Variants in KLHL1 observed in about 807,000 individuals in gnomAD.
KLHL1 encodes kelch-like protein 1.
In KLHL1, 47 loss-of-function variants were observed where a neutral mutation model predicts 77.7. The observed-to-expected ratio is 0.60, with a 90% confidence interval of 0.48 to 0.77. The LOEUF is 0.77. Ranked by LOEUF, KLHL1 falls within the 30% of genes least tolerant of loss-of-function variation. The pLI is 0.00. For synonymous variants in KLHL1, 360 were observed against 325.2 expected (o/e 1.11, Z -1.15); for missense variants, 925 against 910.8 (o/e 1.02, Z -0.20).
At chr13:70,077,902 C>G (rs1887302243) in intron 1 of KLHL1, among the ~76,000 whole-genome samples, 1 of 151,802 alleles carries the variant, frequency 6.6e-6, no homozygotes, top group Admixed American at 6.6e-5. Flanking sequence ...GTGATATTTA[C>G]CTTGTTAGGT....
intron 9 of KLHL1, among the ~76,000 whole-genome samples, chr13:69,708,143 T>A (rs1260934289): frequency 2.6e-5 from 4 of 152,036 alleles, no homozygotes; most frequent in African/African-American, 9.6e-5. Flanking sequence ...CCTATGGTAA[T>A]GAAGCAGAAG....
chr13:69,885,589 T>C (rs982924414), intron 4 of KLHL1, among the ~76,000 whole-genome samples: 2 of 152,168 alleles, frequency 1.3e-5, no homozygotes, highest in African/African-American at 4.8e-5. Flanking sequence ...AAAGAGAAAA[T>C]ATCAATTCCC....
chr13:69,835,159 T>C (rs1878936880), intron 6 of KLHL1, among the ~76,000 whole-genome samples: 1 of 152,072 alleles, frequency 6.6e-6, no homozygotes. Flanking sequence ...TCAAAAATTA[T>C]AGGACATAAA....
intron 1 of KLHL1, among the ~76,000 whole-genome samples, chr13:70,064,880 A>G (rs1056176998): frequency 2.0e-5 from 3 of 152,182 alleles, no homozygotes; most frequent in South Asian, 2.1e-4. Flanking sequence ...TAATGTGTAC[A>G]TGTATGAAAC....
intron 1 of KLHL1, among the ~76,000 whole-genome samples, chr13:70,018,122 C>T (rs567716500): frequency 2.0e-4 from 30 of 152,084 alleles, no homozygotes; most frequent in Middle Eastern, 6.8e-3. Context: ...TTGAAATCTA[C>T]GAGTGAATAA....
chr13:70,095,821 C>T (rs562869584), intron 1 of KLHL1, among the ~76,000 whole-genome samples: 1 of 151,606 alleles, frequency 6.6e-6, no homozygotes, highest in African/African-American at 2.4e-5. Context: ...ACTGTCCCTT[C>T]TCCCTCCACC....
At position 69,975,623 on chromosome 13, in the gene KLHL1, T is replaced by C; in HGVS notation, c.677A>G (p.His226Arg). ...LIVGNRKIPA[H>R]RLVLSSVSDY... is the part of the protein sequence containing the mutation. ...CAGTAGAGGCAGACTACTGTACCTA[T>C]GTGCAGGTATCTTTCGGTTCCCAAC... Residue 226 changes from histidine (H) to arginine (R), a missense_variant, in exon 2 of 11, where the codon CAT (histidine) becomes CGT (arginine). Transcript: ENST00000377844. The C allele has an allele frequency of 6.2e-7, 1 of 1,612,844 alleles. No homozygotes were observed. The highest frequency in any genetic ancestry group is 1.7e-5 in the Admixed American group (1 of 59,726).
intron 4 of KLHL1, among the ~76,000 whole-genome samples, chr13:69,922,627 T>A (rs1882680925): frequency 6.6e-6 from 1 of 152,190 alleles, no homozygotes; most frequent in Admixed American, 6.5e-5. Context: ...ATGTATGATT[T>A]AATTCAGCTC....
At chr13:70,031,447 A>G (rs717812) in intron 1 of KLHL1, among the ~76,000 whole-genome samples, 37,221 of 152,140 alleles carry the variant, frequency 0.24, 4,899 homozygotes, top group African/African-American at 0.35. Flanking sequence ...GTTAACAGTT[A>G]CTCAAAATTT....
At chr13:70,075,354 G>C (rs979602951) in intron 1 of KLHL1, among the ~76,000 whole-genome samples, 13 of 150,898 alleles carry the variant, frequency 8.6e-5, no homozygotes, top group East Asian at 5.8e-4. Flanking sequence ...AAAAATAAAA[G>C]CTATAAAAAT....
intron 5 of KLHL1, among the ~76,000 whole-genome samples, chr13:69,849,668 C>T (rs1879608341): frequency 6.6e-6 from 1 of 151,132 alleles, no homozygotes; most frequent in South Asian, 2.1e-4. Flanking sequence ...GAACAGTTAC[C>T]ATATATGTAG....
At chr13:69,831,749 G>A (rs116032241) in intron 6 of KLHL1, among the ~76,000 whole-genome samples, 5 of 149,858 alleles carry the variant, frequency 3.3e-5, no homozygotes, top group Admixed American at 3.3e-4. Context: ...GATAGTCCAC[G>A]ATGATCAAGT....
chr13:69,917,738 GGTTT>G (rs555804211), intron 4 of KLHL1, among the ~76,000 whole-genome samples: 84 of 152,082 alleles, frequency 5.5e-4, no homozygotes, highest in African/African-American at 1.9e-3. Flanking sequence ...GTCTTTGCAA[GGTTT>G]TTTTTGGTTT....
At chr13:70,064,999 A>T (rs1018997783) in intron 1 of KLHL1, among the ~76,000 whole-genome samples, 17 of 152,238 alleles carry the variant, frequency 1.1e-4, no homozygotes, top group Admixed American at 1.1e-3. Context: ...TGAAGAGTGC[A>T]TTATAAGAAT....
chr13:70,062,597 A>G (rs1269778616), intron 1 of KLHL1, among the ~76,000 whole-genome samples: 1 of 152,206 alleles, frequency 6.6e-6, no homozygotes, highest in Non-Finnish European at 1.5e-5. Flanking sequence ...TAATAAAATT[A>G]TTAGTGCACA....
chr13:69,791,968 T>G (rs1876893353), intron 7 of KLHL1, among the ~76,000 whole-genome samples: 1 of 152,122 alleles, frequency 6.6e-6, no homozygotes, highest in Non-Finnish European at 1.5e-5. Context: ...AAAGGCACGA[T>G]TAAGAAAATT....
chr13:70,059,235 T>C (rs1283642497), intron 1 of KLHL1, among the ~76,000 whole-genome samples: 2 of 151,860 alleles, frequency 1.3e-5, no homozygotes, highest in African/African-American at 2.4e-5. Context: ...CTTGGCTTAC[T>C]GCAACCTCTG....
intron 1 of KLHL1, among the ~76,000 whole-genome samples, chr13:70,022,271 ACGTGTGTGTT>A (rs1885818837): frequency 8.5e-6 from 1 of 118,230 alleles, no homozygotes; most frequent in African/African-American, 3.6e-5. Context: ...TAAGTTGATT[ACGTGTGTGTT>A]TGTGTGTGTG....
At position 69,855,335 on chromosome 13, in the gene KLHL1, GAT is replaced by G. The variant is rs1566329500; in HGVS notation, c.1228-16175_1228-16174del. On this transcript the variant is annotated intron_variant, in intron 5 of 10. Transcript: ENST00000377844. ...AGATAGATAGATAGATAGATAGATA[GAT>G]AGATAGATAGACAGACAGATAGATA... 1.1e-4 allele frequency among the ~76,000 whole-genome samples: 10 copies of G among 90,052 alleles called. No homozygotes were observed. In the South Asian group the frequency reaches 1.1e-3, roughly 10 times the overall value. The allele number at this position is 90,052 out of a possible 152,430, so 59.1% of individuals were successfully genotyped here. A position where few individuals can be genotyped will look rare whatever the true frequency, so the allele number is the denominator to read the frequency against.
Sources: allele counts gnomAD v4.1 joint callset (sites outside exome capture counted in the v4.1 genomes callset), GRCh38; gene constraint gnomAD v4.1.1; transcripts MANE v1.5; gene names NCBI Gene and HGNC (gene_info 2026-07-23, HGNC 2026-07-21).